The following CADPS2 variants were observed in gnomAD, a reference collection of about 807,000 sequenced individuals.
CADPS2 encodes calcium-dependent secretion activator 2.
Under a neutral mutation model 172.5 loss-of-function variants are expected in CADPS2, and 93 were observed. The ratio of observed to expected loss-of-function variants is 0.54; its 90% CI spans 0.46 to 0.64. The LOEUF is 0.64. Among genes scored for constraint, CADPS2 ranks in the 30% least tolerant of loss-of-function variants. The pLI is 0.00. For synonymous variants in CADPS2, 546 were observed against 555.2 expected, an observed-to-expected ratio of 0.98 and a Z score of 0.23; for missense variants, 1,420 against 1,565.9, an observed-to-expected ratio of 0.91 and a Z score of 1.57.
chr7:122,493,349 G>C (rs2129867440), intron 9 of CADPS2, among the ~76,000 whole-genome samples: 1 of 152,220 alleles, frequency 6.6e-6, no homozygotes, highest in East Asian at 1.9e-4. Flanking sequence ...CTTTTAAAAG[G>C]AGAAAATATA....
At chr7:122,326,964 T>C (rs1175360184) in intron 28 of CADPS2, among the ~76,000 whole-genome samples, 2 of 152,048 alleles carry the variant, frequency 1.3e-5, no homozygotes, top group African/African-American at 4.8e-5. Flanking sequence ...ATCAAATGGA[T>C]AAATAAAAGC....
chr7:122,494,581 A>G (rs2058582036), intron 9 of CADPS2, among the ~76,000 whole-genome samples: 1 of 151,468 alleles, frequency 6.6e-6, no homozygotes, highest in South Asian at 2.1e-4. Flanking sequence ...ATATATTAAA[A>G]TATTTACAGT....
chr7:122,827,671 A>G (rs1805335861), intron 1 of CADPS2, among the ~76,000 whole-genome samples: 1 of 152,010 alleles, frequency 6.6e-6, no homozygotes, highest in Admixed American at 6.6e-5. Context: ...AGAATTAGCT[A>G]CAATTCTAAA....
chr7:122,777,652 G>A (rs937025672), intron 1 of CADPS2, among the ~76,000 whole-genome samples: 4 of 152,046 alleles, frequency 2.6e-5, no homozygotes, highest in Admixed American at 6.5e-5. Context: ...GATAGTGAGC[G>A]AGTTCTCATG....
intron 1 of CADPS2, among the ~76,000 whole-genome samples, chr7:122,847,958 T>C (rs750985378): frequency 1.3e-5 from 2 of 152,132 alleles, no homozygotes. Context: ...ACAGCAATAA[T>C]AGGTGGGAAC....
chr7:122,720,073 C>T (rs780053671), intron 2 of CADPS2, among the ~76,000 whole-genome samples: 30 of 152,004 alleles, frequency 2.0e-4, no homozygotes, highest in Non-Finnish European at 3.5e-4. Context: ...GAGCACTGGA[C>T]TATTTCAATA....
chr7:122,393,931 G>A (rs1436728534), intron 20 of CADPS2, among the ~76,000 whole-genome samples: 1 of 152,150 alleles, frequency 6.6e-6, no homozygotes, highest in Non-Finnish European at 1.5e-5. Context: ...CCTGACACAT[G>A]TAAATACAGC....
intron 28 of CADPS2, among the ~76,000 whole-genome samples, chr7:122,329,557 A>G (rs771672586): frequency 6.6e-6 from 1 of 152,200 alleles, no homozygotes; most frequent in Non-Finnish European, 1.5e-5. Flanking sequence ...AGTTAAAGAG[A>G]AGTAGTTAAG....
intron 1 of CADPS2, among the ~76,000 whole-genome samples, chr7:122,770,101 G>C (rs1340793037): frequency 6.6e-6 from 1 of 152,078 alleles, no homozygotes; most frequent in Admixed American, 6.6e-5. Context: ...ATAACTGAGG[G>C]AACAAGAATT....
At chr7:122,465,954 T>C (rs1038046640) in intron 14 of CADPS2, among the ~76,000 whole-genome samples, 1 of 152,176 alleles carries the variant, frequency 6.6e-6, no homozygotes, top group African/African-American at 2.4e-5. Context: ...TATGTACATA[T>C]AGAGCTTTCT....
intron 20 of CADPS2, among the ~76,000 whole-genome samples, chr7:122,405,488 C>T (rs1186893912): frequency 1.3e-5 from 2 of 151,980 alleles, no homozygotes; most frequent in African/African-American, 2.4e-5. Context: ...CATGGTGGAA[C>T]CCCGTCTCTA....
At chr7:122,666,703 A>G (rs2135454649) in intron 2 of CADPS2, among the ~76,000 whole-genome samples, 1 of 152,250 alleles carries the variant, frequency 6.6e-6, no homozygotes, top group East Asian at 1.9e-4. Flanking sequence ...TGGAAGAAAA[A>G]GGGCTCTTCT....
intron 2 of CADPS2, among the ~76,000 whole-genome samples, chr7:122,707,800 A>T (rs1437480489): frequency 2.0e-5 from 3 of 149,424 alleles, no homozygotes; most frequent in Non-Finnish European, 4.4e-5. Context: ...ATGTTTTCTT[A>T]TATATATATA....
At chr7:122,349,669 G>A (rs577673321) in intron 27 of CADPS2, among the ~76,000 whole-genome samples, 3 of 152,302 alleles carry the variant, frequency 2.0e-5, no homozygotes, top group Non-Finnish European at 2.9e-5. Flanking sequence ...GTGAGTGAAC[G>A]AATTTAAGAA....
At chr7:122,806,969 G>A (rs1223475349) in intron 1 of CADPS2, among the ~76,000 whole-genome samples, 1 of 152,172 alleles carries the variant, frequency 6.6e-6, no homozygotes, top group Non-Finnish European at 1.5e-5. Context: ...AAAGAGAGCT[G>A]AACACTAGAA....
Position 122,605,111 on chromosome 7 carries a change from A to C in CADPS2, c.1223+10070T>G, listed in dbSNP as rs562258811. On this transcript the variant is annotated intron_variant, in intron 6 of 29. Coordinates refer to ENST00000449022, the MANE Select transcript of CADPS2 (RefSeq NM_017954.11). Reference sequence around the variant, plus strand: ...ACATATTTAAACATAGAAAAGGTACAGTGAAAATATGGTATAAACAATACA... The same window carrying C: ...ACATATTTAAACATAGAAAAGGTACCGTGAAAATATGGTATAAACAATACA... Among the ~76,000 whole-genome samples, 7 of 152,286 alleles carry C rather than the reference A, an allele frequency of 4.6e-5. No homozygotes were observed. In the South Asian group the frequency reaches 1.4e-3, roughly 32 times the overall value.
intron 7 of CADPS2, among the ~76,000 whole-genome samples, chr7:122,562,313 G>T (rs958073840): frequency 6.6e-5 from 10 of 152,266 alleles, no homozygotes; most frequent in African/African-American, 1.9e-4. Flanking sequence ...TCTGAAACAC[G>T]GCAGAGGAAG....
chr7:122,856,501 C>T (rs1463508114), intron 1 of CADPS2, among the ~76,000 whole-genome samples: 2 of 152,126 alleles, frequency 1.3e-5, no homozygotes. Flanking sequence ...TAAAATGTCA[C>T]CAAACTCCTC....
chr7:122,671,095 G>A (rs993285812), intron 2 of CADPS2, among the ~76,000 whole-genome samples: 5 of 152,046 alleles, frequency 3.3e-5, no homozygotes, highest in African/African-American at 7.2e-5. Context: ...TGTATCGTAC[G>A]CTGTTACAGG....
Sources: allele counts gnomAD v4.1 joint callset (sites outside exome capture counted in the v4.1 genomes callset), GRCh38; gene constraint gnomAD v4.1.1; transcripts MANE v1.5; gene names NCBI Gene and HGNC (gene_info 2026-07-23, HGNC 2026-07-21).